The following SNRPN variants were observed in gnomAD, a reference collection of about 807,000 sequenced individuals.
SNRPN encodes the protein small nuclear ribonucleoprotein-associated protein N.
SNRPN carries 7 observed loss-of-function variants against 25.2 expected under a neutral mutation model. The observed-to-expected ratio is 0.28, with a 90% CI of 0.16 to 0.52. The LOEUF is 0.52. SNRPN is among the 20% of genes least tolerant of loss of function. The probability of loss-of-function intolerance (pLI) is 0.96; values close to 1 mark genes in which losing one functional copy is unlikely to be tolerated. For missense variants in SNRPN, 196 were observed against 322.5 expected (o/e 0.61, Z 3.00); for synonymous variants, 124 against 110.6 (o/e 1.12, Z -0.76).
chr15:24,954,869 G>C (rs1160700950), upstream of SNRPN: 1 of 807,810 alleles, frequency 1.2e-6, no homozygotes, highest in Non-Finnish European at 2.0e-6. Flanking sequence ...GTGAGGGAGG[G>C]AGCTGGGACC....
chr15:24,841,380 A>G (rs1026467978), intron 2 of SNRPN, among the ~76,000 whole-genome samples: 11 of 152,078 alleles, frequency 7.2e-5, no homozygotes, highest in African/African-American at 2.4e-4. Flanking sequence ...ACCTGCATAA[A>G]AAGTTGCTCA....
intron 1 of SNRPN, among the ~76,000 whole-genome samples, chr15:24,878,283 C>A (rs1300954390): frequency 1.3e-5 from 2 of 152,136 alleles, no homozygotes; most frequent in Non-Finnish European, 2.9e-5. Context: ...ACCCACATGG[C>A]TATTACCGCA....
At chr15:24,832,585 C>G (rs1017427637) in intron 2 of SNRPN, among the ~76,000 whole-genome samples, 2 of 152,010 alleles carry the variant, frequency 1.3e-5, no homozygotes, top group Non-Finnish European at 2.9e-5. Context: ...GGAATTAAAG[C>G]TGGTAACCCC....
intron 1 of SNRPN, among the ~76,000 whole-genome samples, chr15:24,881,860 A>C (rs961756061): frequency 2.6e-5 from 4 of 152,214 alleles, no homozygotes; most frequent in Non-Finnish European, 5.9e-5. Flanking sequence ...CAAGTCTTCT[A>C]TCTGAAAGGT....
At position 24,872,508 on chromosome 15, in the gene SNRPN, G is replaced by A. The variant is rs537385266; in HGVS notation, c.-578-14008G>A. ...CGCCTGTAATCCCAGCACTGTGGGA[G>A]GCCAAGGCGGGCGGATCACCTGAGG... On this transcript the variant is annotated intron_variant, in intron 1 of 11. Coordinates refer to the SNRPN transcript ENST00000400097. Among the ~76,000 whole-genome samples the A allele has an allele frequency of 4.2e-5, 5 of 119,608 alleles. 2 individuals carry two copies. In the South Asian group the frequency reaches 1.5e-3, roughly 36 times the overall value. 78.5% of individuals were successfully genotyped at this position (119,608 alleles called of 152,430 possible). A position where few individuals can be genotyped will look rare whatever the true frequency, so the allele number is the denominator to read the frequency against.
In SNRPN at chr15:24,871,990, C is replaced by T. The variant is rs745783611; in HGVS notation, c.-578-14526C>T. ...AAAGTGCTAGGATTACAGGCGTAAGCCACCACGCCCGGCCTTTTGTCCTCT... is the reference window on the plus strand; with the variant it reads ...AAAGTGCTAGGATTACAGGCGTAAGTCACCACGCCCGGCCTTTTGTCCTCT... On this transcript the variant is annotated intron_variant, in intron 1 of 11. Transcript: ENST00000400097. 2.5e-5 allele frequency among the ~76,000 whole-genome samples: 3 copies of T among 120,730 alleles called. 1 individual carries two copies. Among genetic ancestry groups the T allele is most frequent in the Non-Finnish European group, 5.5e-5 (3 of 54,910 alleles). 79.2% of individuals were successfully genotyped at this position (120,730 alleles called of 152,430 possible).
chr15:24,888,922 T>C (rs370267432), intron 2 of SNRPN, among the ~76,000 whole-genome samples: 1 of 152,094 alleles, frequency 6.6e-6, no homozygotes, highest in Non-Finnish European at 1.5e-5. Flanking sequence ...TCTTTTCTTT[T>C]TTTATTTTTT....
chr15:24,951,835 G>T (rs60250722), upstream of SNRPN, among the ~76,000 whole-genome samples: 5 of 152,012 alleles, frequency 3.3e-5, no homozygotes, highest in African/African-American at 9.7e-5. Flanking sequence ...TATACATTCT[G>T]GATACTACAC....
At chr15:24,832,300 A>G (rs1038695270) in intron 2 of SNRPN, among the ~76,000 whole-genome samples, 6 of 151,982 alleles carry the variant, frequency 3.9e-5, no homozygotes, top group Non-Finnish European at 7.3e-5. Context: ...TTGTTTTTAG[A>G]TCTACTCTGA....
chr15:24,949,010 C>CT (rs869100437), intron 3 of SNRPN, among the ~76,000 whole-genome samples: 3,933 of 46,452 alleles, frequency 0.085, 1,138 homozygotes, highest in Non-Finnish European at 0.12. Context: ...TTTGCCTATT[C>CT]TTTTTTTTTT....
At chr15:24,940,066 A>G (rs1181656280) in intron 3 of SNRPN, among the ~76,000 whole-genome samples, 2 of 152,212 alleles carry the variant, frequency 1.3e-5, no homozygotes, top group African/African-American at 4.8e-5. Context: ...CTAGGCTTAC[A>G]GGCATGAGCC....
intron 2 of SNRPN, among the ~76,000 whole-genome samples, chr15:24,962,660 G>GTA (rs2075017149): frequency 1.3e-5 from 2 of 152,048 alleles, no homozygotes; most frequent in African/African-American, 4.8e-5. Context: ...CCTGTTTTAA[G>GTA]TATATATATG....
At chr15:24,834,375 C>T (rs11634701) in intron 2 of SNRPN, among the ~76,000 whole-genome samples, 12,306 of 152,126 alleles carry the variant, frequency 0.081, 685 homozygotes, top group Middle Eastern at 0.16. Context: ...CTCAGCATGA[C>T]AAAGCACCAG....
chr15:24,958,437 T>G (rs1253788497), intron 1 of SNRPN, among the ~76,000 whole-genome samples: 2 of 149,548 alleles, frequency 1.3e-5, no homozygotes. Flanking sequence ...TGAGAATTGT[T>G]ACTACTTAAG....
chr15:24,885,314 C>T (rs1038129108), intron 1 of SNRPN, among the ~76,000 whole-genome samples: 1 of 152,162 alleles, frequency 6.6e-6, no homozygotes, highest in East Asian at 1.9e-4. Flanking sequence ...TGGAGCTGAA[C>T]TTAAAATGCC....
rs982972142 is a variant in SNRPN, at chr15:24,955,788, C to T, written c.-391+726C>T. Among the ~76,000 whole-genome samples, 5 of 150,122 alleles carry T rather than the reference C, an allele frequency of 3.3e-5. No homozygotes were observed. In the South Asian group the frequency reaches 1.1e-3, roughly 32 times the overall value. On this transcript the variant is annotated intron_variant, in intron 1 of 9. Transcript: ENST00000390687. ...TATTGGCGGCGGTGGGCATTGGCAG[C>T]GGGTAGGCATGGCGGTGGTGGACTT...
chr15:24,947,152 G>T (rs996493876), intron 3 of SNRPN, among the ~76,000 whole-genome samples: 6 of 152,044 alleles, frequency 3.9e-5, no homozygotes, highest in Admixed American at 3.9e-4. Context: ...ATATCAAAAT[G>T]CAGCTTTCAA....
intron 2 of SNRPN, chr15:24,909,641 A>G: frequency 8.1e-7 from 1 of 1,235,632 alleles, no homozygotes; most frequent in Non-Finnish European, 1.2e-6. Context: ...AATCTGACAA[A>G]TGATATCTCT....
rs916809584 is a variant in SNRPN, at chr15:24,883,548, T to C, written c.-578-2968T>C. Among the ~76,000 whole-genome samples, 5 of 152,328 alleles carry C rather than the reference T, an allele frequency of 3.3e-5. No individual in the cohort carries two copies. In the East Asian group the frequency reaches 9.6e-4, roughly 29 times the overall value. ...CCTCCACCAGGCTTTACACCTGCAATTGCACTTTGGATAATAACAGGCATC... is the reference window on the plus strand; with the variant it reads ...CCTCCACCAGGCTTTACACCTGCAACTGCACTTTGGATAATAACAGGCATC... On this transcript the variant is annotated intron_variant, in intron 1 of 11. Transcript: ENST00000400097.
Sources: gnomAD v4.1 joint callset for allele counts (sites outside exome capture counted in the v4.1 genomes callset) on GRCh38, gnomAD v4.1.1 for gene constraint, MANE v1.5 for transcripts, NCBI Gene and HGNC (gene_info 2026-07-23, HGNC 2026-07-21) for gene names.